The following ALAS1 variants were observed in gnomAD, a reference collection of about 807,000 sequenced individuals.
ALAS1 encodes 5'-aminolevulinate synthase 1, also known as 5-aminolevulinate synthase, non-specific, mitochondrial.
Under a neutral mutation model 59.6 loss-of-function variants are expected in ALAS1, and 29 were observed. The observed-to-expected ratio is 0.49, with a 90% confidence interval of 0.36 to 0.66. The LOEUF (loss-of-function observed/expected upper bound fraction) is 0.66, where lower values mean the gene tolerates loss of function less well. Ranked by LOEUF, ALAS1 falls within the 30% of genes least tolerant of loss-of-function variation. The pLI is 0.00. For missense variants in ALAS1, 690 were observed against 807.5 expected (o/e 0.85, Z 1.76); for synonymous variants, 299 against 296.6 (o/e 1.01, Z -0.08).
chr3:52,210,221 G>A (rs1015445581), intron 9 of ALAS1, among the ~76,000 whole-genome samples: 2 of 152,226 alleles, frequency 1.3e-5, no homozygotes, highest in African/African-American at 4.8e-5. Context: ...AGCCAGTCTT[G>A]TTCCAAAGAG....
Position 52,198,227 on chromosome 3 carries a change from C to T in ALAS1, c.-238C>T. The T allele has an allele frequency of 2.5e-6, 1 of 398,974 alleles. No homozygotes were observed. Among genetic ancestry groups the T allele is most frequent in the Non-Finnish European group, 4.4e-6 (1 of 226,174 alleles). 24.7% of individuals were successfully genotyped at this position (398,974 alleles called of 1,614,324 possible). On this transcript the variant is annotated 5_prime_UTR_variant, in exon 1 of 12. Transcript: ENST00000484952. ...TCTCGACTTGAGTGCCCGCCTCCTT[C>T]GCCGCCGCCTCTGCAGTCCTCAGCG...
Position 52,198,830 on chromosome 3 carries a change from G to A in ALAS1, c.-51G>A, listed in dbSNP as rs1290300919. The A allele has an allele frequency of 6.5e-7, 1 of 1,535,652 alleles. No individual in the cohort carries two copies. Among genetic ancestry groups the A allele is most frequent in the East Asian group, 2.4e-5 (1 of 40,912 alleles). On this transcript the variant is annotated 5_prime_UTR_variant, in exon 2 of 12. It introduces an in-frame stop codon into an upstream open reading frame of the 5' UTR. Transcript: ENST00000484952. ...TCTTCCCTGCCTGGATGGATGAGTGGCTTCTTCTCCACCTAGATGTAAGCC... is the reference window on the plus strand; with the variant it reads ...TCTTCCCTGCCTGGATGGATGAGTGACTTCTTCTCCACCTAGATGTAAGCC...
At chr3:52,206,822 G>T in intron 8 of ALAS1, 71 bp downstream of exon 8, 1 of 1,487,782 alleles carries the variant, frequency 6.7e-7, no homozygotes, top group Non-Finnish European at 9.1e-7. Context: ...AAAGTATGGT[G>T]TTTTGTTGTG....
chr3:52,202,003 A>G (rs2107264692), intron 3 of ALAS1, among the ~76,000 whole-genome samples: 1 of 152,314 alleles, frequency 6.6e-6, no homozygotes, highest in South Asian at 2.1e-4. Context: ...TCATAGACGC[A>G]TTGTTTCCTG....
chr3:52,198,177 G>C lies in ALAS1; in HGVS notation c.-288G>C. 2.5e-6 allele frequency: 1 copy of C among 398,636 alleles called. No individual in the cohort carries two copies. The allele number at this position is 398,636 out of a possible 1,614,324, so 24.7% of individuals were successfully genotyped here. The stretch of plus-strand genomic sequence containing the variant: ...GCGGCCTGAGGCTGCTCCCGGACAA[G>C]GGCAACGAGCGTTTCGTTTGGACTT... On this transcript the variant is annotated 5_prime_UTR_variant, in exon 1 of 12. Coordinates refer to ENST00000484952, the MANE Select transcript of ALAS1 (RefSeq NM_000688.6).
intron 9 of ALAS1, among the ~76,000 whole-genome samples, chr3:52,209,066 G>A (rs908382787): frequency 1.6e-4 from 24 of 152,330 alleles, no homozygotes; most frequent in African/African-American, 5.3e-4. Context: ...GGAAGGGCAG[G>A]CTTTTTAAAA....
At chr3:52,204,076 A>G in intron 5 of ALAS1, 64 bp downstream of exon 5, 1 of 1,504,250 alleles carries the variant, frequency 6.6e-7, no homozygotes, top group Non-Finnish European at 9.0e-7. Context: ...ACATTAGATT[A>G]AATATAAAAT....
intron 3 of ALAS1, 25 bp downstream of exon 3, chr3:52,199,465 G>A: frequency 3.7e-6 from 6 of 1,604,302 alleles, no homozygotes; most frequent in South Asian, 1.1e-5. Flanking sequence ...CAATGAAGGA[G>A]CAGGTATGGG....
intron 10 of ALAS1, among the ~76,000 whole-genome samples, chr3:52,212,021 C>G (rs1394361134): frequency 1.3e-5 from 2 of 152,172 alleles, no homozygotes; most frequent in African/African-American, 4.8e-5. Context: ...CCAGTGTTTT[C>G]TGATTAAAAA....
At chr3:52,205,750 G>C (rs1170639174) in intron 6 of ALAS1, 89 bp from the exon 7 acceptor site, 3 of 1,281,818 alleles carry the variant, frequency 2.3e-6, no homozygotes, top group Non-Finnish European at 3.2e-6. Context: ...ACATGTTTCA[G>C]TCTCCTGGAT....
intron 9 of ALAS1, among the ~76,000 whole-genome samples, chr3:52,210,266 C>T (rs539689667): frequency 1.3e-5 from 2 of 152,142 alleles, no homozygotes; most frequent in Non-Finnish European, 2.9e-5. Flanking sequence ...TGGAGCTGTG[C>T]TGGCTGTCAG....
chr3:52,202,658 G>C lies in ALAS1; in HGVS notation c.351G>C (p.Gln117His). Residue 117 changes from glutamine to histidine, a missense_variant, in exon 4 of 12, where the codon CAG (glutamine) becomes CAC (histidine). Gln to His is a conservative substitution (Grantham distance 24). Coordinates refer to ENST00000484952, the MANE Select transcript of ALAS1 (RefSeq NM_000688.6). Reference sequence around the variant, plus strand: ...CTTTCCTGGCAGCACAGATGAATCAGAGAGGCAGCAGTGTCTTCTGCAAAG... The same window carrying C: ...CTTTCCTGGCAGCACAGATGAATCACAGAGGCAGCAGTGTCTTCTGCAAAG... ...KCPFLAAQMN[Q>H]RGSSVFCKAS... 2.5e-6 allele frequency: 4 copies of C among 1,614,234 alleles called. No homozygotes were observed. The highest frequency in any genetic ancestry group is 3.4e-6 in the Non-Finnish European group (4 of 1,180,046).
intron 6 of ALAS1, 62 bp from the exon 7 acceptor site, chr3:52,205,777 A>T: frequency 6.7e-7 from 1 of 1,496,672 alleles, no homozygotes; most frequent in South Asian, 1.3e-5. Flanking sequence ...AAGGGGAAAA[A>T]ATTCACATGG....
At chr3:52,198,964 T>TTTACA in intron 2 of ALAS1, 116 bp downstream of exon 2, 2 of 1,163,368 alleles carry the variant, frequency 1.7e-6, no homozygotes, top group Non-Finnish European at 1.2e-6. Context: ...ACTGTCAGTA[T>TTTACA]TCATTTGGTG....
At position 52,205,835 on chromosome 3, in the gene ALAS1, A is replaced by G. The variant is rs1219605084; in HGVS notation, c.801-4A>G. 3.8e-6 allele frequency: 6 copies of G among 1,598,414 alleles called. No homozygotes were observed. Among genetic ancestry groups the G allele is most frequent in the Non-Finnish European group, 5.1e-6 (6 of 1,171,118 alleles). The stretch of plus-strand genomic sequence containing the variant: ...TTTCTGGTTTTGTTTGTATTTTTAA[A>G]CAGGGACACTTTGAAACAACATGGT... On this transcript the variant is annotated splice_region_variant and splice_polypyrimidine_tract_variant and intron_variant, in intron 6 of 11. Coordinates refer to ENST00000484952, the MANE Select transcript of ALAS1 (RefSeq NM_000688.6).
chr3:52,206,859 G>C (rs1313254577), intron 8 of ALAS1, 108 bp downstream of exon 8: 4 of 1,204,762 alleles, frequency 3.3e-6, no homozygotes, highest in South Asian at 1.5e-5. Flanking sequence ...TTTTGTGACC[G>C]ATCCTCGCTC....
intron 4 of ALAS1, 100 bp downstream of exon 4, chr3:52,202,834 A>G (rs930268728): frequency 6.2e-6 from 7 of 1,122,518 alleles, no homozygotes; most frequent in Non-Finnish European, 7.8e-6. Context: ...GGCAGTATTT[A>G]TGGAAACACC....
At chr3:52,204,412 T>C (rs1418524603) in intron 5 of ALAS1, among the ~76,000 whole-genome samples, 1 of 152,236 alleles carries the variant, frequency 6.6e-6, no homozygotes, top group African/African-American at 2.4e-5. Flanking sequence ...TATGGTGAGT[T>C]GAGGCTTGAA....
intron 3 of ALAS1, among the ~76,000 whole-genome samples, chr3:52,200,115 C>T (rs545431684): frequency 6.6e-6 from 1 of 152,294 alleles, no homozygotes; most frequent in East Asian, 1.9e-4. Flanking sequence ...CGTGCCCGGC[C>T]CCTTTGGCTT....
Sources: gnomAD v4.1 joint callset for allele counts (sites outside exome capture counted in the v4.1 genomes callset) on GRCh38, gnomAD v4.1.1 for gene constraint, MANE v1.5 for transcripts, NCBI Gene and HGNC (gene_info 2026-07-23, HGNC 2026-07-21) for gene names.